The following LRRC37A2 variants were observed in gnomAD, a reference collection of about 807,000 sequenced individuals.
LRRC37A2 encodes leucine-rich repeat-containing protein 37A2.
LRRC37A2 carries 9 observed loss-of-function variants against 68.8 expected under a neutral mutation model. The observed-to-expected ratio is 0.13, with a 90% CI of 0.08 to 0.23. LRRC37A2 has a LOEUF of 0.23. Ranked by LOEUF, LRRC37A2 falls within the 10% of genes least tolerant of loss-of-function variation. The probability of loss-of-function intolerance (pLI) is 1.00; values close to 1 mark genes in which losing one functional copy is unlikely to be tolerated. For missense variants in LRRC37A2, 168 were observed against 950.4 expected, an observed-to-expected ratio of 0.18 and a Z score of 10.82; for synonymous variants, 63 against 367.6, an observed-to-expected ratio of 0.17 and a Z score of 9.48.
chr17:46,501,109 G>C, the LRRC37A2 span, among the ~76,000 whole-genome samples: 2 of 151,300 alleles, frequency 1.3e-5, no homozygotes, highest in African/African-American at 2.5e-5. Context: ...AGGCTGGTCT[G>C]TAAATCCTGA....
chr17:47,029,226 T>G, the LRRC37A2 span, among the ~76,000 whole-genome samples: 1 of 151,820 alleles, frequency 6.6e-6, no homozygotes, highest in Non-Finnish European at 1.5e-5. Flanking sequence ...GTGCTGGGGT[T>G]ACAGGTGTGA....
chr17:46,752,835 C>T, the LRRC37A2 span, among the ~76,000 whole-genome samples: 4 of 152,012 alleles, frequency 2.6e-5, no homozygotes, highest in Non-Finnish European at 5.9e-5. Flanking sequence ...GGCATGATCT[C>T]GGCTCACTGC....
chr17:46,798,500 G>A, the LRRC37A2 span, among the ~76,000 whole-genome samples: 3 of 152,176 alleles, frequency 2.0e-5, no homozygotes, highest in Non-Finnish European at 4.4e-5. Context: ...GCTTAGGCTT[G>A]TGCCAGCCAT....
the LRRC37A2 span, among the ~76,000 whole-genome samples, chr17:46,794,755 T>TC: frequency 1.4e-5 from 2 of 142,652 alleles, no homozygotes; most frequent in African/African-American, 5.4e-5. Context: ...TCTTTTTCTT[T>TC]TTTTTTTTTT....
At chr17:46,831,020 T>C in the LRRC37A2 span, 83 of 354,568 alleles carry the variant, frequency 2.3e-4, no homozygotes, top group African/African-American at 1.6e-3. Context: ...TAAAATCTTC[T>C]TTTCAGTTGA....
the LRRC37A2 span, chr17:46,998,672 A>G: frequency 2.0e-5 from 3 of 152,282 alleles, no homozygotes; most frequent in Non-Finnish European, 4.4e-5. Flanking sequence ...TTCCCCCCAC[A>G]AAACATGGGC....
At chr17:46,404,905 A>G in the LRRC37A2 span, among the ~76,000 whole-genome samples, 33 of 102,938 alleles carry the variant, frequency 3.2e-4, 9 homozygotes, top group East Asian at 2.2e-3. Context: ...TAAATAAATA[A>G]ATAAATAAAT....
the LRRC37A2 span, among the ~76,000 whole-genome samples, chr17:46,750,652 A>G: frequency 6.6e-6 from 1 of 152,254 alleles, no homozygotes; most frequent in African/African-American, 2.4e-5. Context: ...AGGCAGCTAC[A>G]AACTGCCAGG....
At chr17:46,545,862 A>T (rs1168850307) in intron 8 of LRRC37A2, among the ~76,000 whole-genome samples, 2 of 150,332 alleles carry the variant, frequency 1.3e-5, no homozygotes, top group South Asian at 2.1e-4. Context: ...GTAATTTATA[A>T]TATTTCCCAC....
At chr17:46,904,308 A>G in the LRRC37A2 span, among the ~76,000 whole-genome samples, 41 of 146,758 alleles carry the variant, frequency 2.8e-4, no homozygotes, top group South Asian at 8.7e-3. Context: ...GAGTGAGTGG[A>G]TGGATAGGTA....
the LRRC37A2 span, among the ~76,000 whole-genome samples, chr17:46,714,309 A>AT: frequency 6.6e-6 from 1 of 152,282 alleles, no homozygotes; most frequent in Middle Eastern, 3.4e-3. Context: ...TTCATTTAGG[A>AT]TTTTTTAAAG....
At chr17:46,791,508 C>T in the LRRC37A2 span, among the ~76,000 whole-genome samples, 1 of 152,112 alleles carries the variant, frequency 6.6e-6, no homozygotes, top group Non-Finnish European at 1.5e-5. Context: ...CGCCCGGCCT[C>T]CTCACTGTTT....
At chr17:47,025,012 G>T in the LRRC37A2 span, among the ~76,000 whole-genome samples, 1 of 151,088 alleles carries the variant, frequency 6.6e-6, no homozygotes, top group Non-Finnish European at 1.5e-5. Context: ...TATGAACCTT[G>T]TTTTATAAGG....
the LRRC37A2 span, among the ~76,000 whole-genome samples, chr17:46,817,551 C>T: frequency 6.6e-6 from 1 of 152,086 alleles, no homozygotes; most frequent in African/African-American, 2.4e-5. Context: ...GCGATGGGGC[C>T]GCTCGGAAAA....
the LRRC37A2 span, chr17:46,755,924 C>G: frequency 1.8e-6 from 2 of 1,139,356 alleles, no homozygotes; most frequent in Non-Finnish European, 2.6e-6. Context: ...CTAAGTGGAA[C>G]GTTCTCTACC....
At chr17:46,847,997 C>T in the LRRC37A2 span, among the ~76,000 whole-genome samples, 36 of 97,948 alleles carry the variant, frequency 3.7e-4, no homozygotes, top group Admixed American at 1.7e-3. Flanking sequence ...TGTGTGTGTG[C>T]ACGTGCATGT....
chr17:46,610,029 C>CTTTCTTTCTTTCTTTCTT, the LRRC37A2 span, among the ~76,000 whole-genome samples: 3 of 88,930 alleles, frequency 3.4e-5, no homozygotes, highest in African/African-American at 1.1e-4. Context: ...TTCTTTCTTT[C>CTTTCTTTCTTTCTTTCTT]TCTCTCTCTC....
At chr17:46,822,780 G>A in the LRRC37A2 span, among the ~76,000 whole-genome samples, 1 of 152,048 alleles carries the variant, frequency 6.6e-6, no homozygotes, top group Non-Finnish European at 1.5e-5. Context: ...AGGTGATGCC[G>A]GTCCAGGGCG....
the LRRC37A2 span, among the ~76,000 whole-genome samples, chr17:47,003,434 A>C: frequency 6.6e-6 from 1 of 152,228 alleles, no homozygotes; most frequent in East Asian, 1.9e-4. Flanking sequence ...ACAGGGGGGC[A>C]GGGCTGGGCT....
Sources: gnomAD v4.1 joint callset for allele counts (sites outside exome capture counted in the v4.1 genomes callset) on GRCh38, gnomAD v4.1.1 for gene constraint, MANE v1.5 for transcripts, NCBI Gene and HGNC (gene_info 2026-07-23, HGNC 2026-07-21) for gene names.